Variants in GNAI2 observed in about 807,000 individuals in gnomAD.
GNAI2 encodes guanine nucleotide-binding protein G(i) subunit alpha-2.
A neutral mutation model predicts 36.8 loss-of-function variants in GNAI2; 4 were observed. The ratio of observed to expected loss-of-function variants is 0.11; its 90% CI spans 0.05 to 0.25. The LOEUF is 0.25. Among genes scored for constraint, GNAI2 ranks in the 10% least tolerant of loss-of-function variants. GNAI2 has a pLI of 1.00. For missense variants in GNAI2, 230 were observed against 481.3 expected (o/e 0.48, Z 4.89); for synonymous variants, 194 against 194.1 (o/e 1.00, Z 0.01).
chr3:50,243,372 C>T (rs1700339279), intron 1 of GNAI2, among the ~76,000 whole-genome samples: 2 of 152,240 alleles, frequency 1.3e-5, no homozygotes, highest in South Asian at 4.1e-4. Context: ...CTTAGATTCC[C>T]GAGCGGCCAT....
intron 8 of GNAI2, 137 bp downstream of exon 8, chr3:50,257,851 G>A: frequency 1.7e-6 from 1 of 572,688 alleles, no homozygotes; most frequent in South Asian, 2.3e-5. Context: ...CAAGGGAGGA[G>A]AAGGCCCAGG....
chr3:50,245,602 G>C (rs1700397713), intron 1 of GNAI2, among the ~76,000 whole-genome samples: 1 of 152,264 alleles, frequency 6.6e-6, no homozygotes, highest in South Asian at 2.1e-4. Flanking sequence ...AGCTCCGCGT[G>C]ATCCGCGTCT....
intron 1 of GNAI2, chr3:50,251,727 A>G: frequency 1.5e-6 from 2 of 1,329,554 alleles, no homozygotes; most frequent in Admixed American, 2.1e-5. Context: ...CCATATTGGC[A>G]TGCACCAGCT....
Position 50,256,753 on chromosome 3 carries a change from G to A in GNAI2, c.624G>A (p.Glu208=), listed in dbSNP as rs373500446. 1.2e-6 allele frequency: 2 copies of A among 1,613,922 alleles called. No homozygotes were observed. The highest frequency in any genetic ancestry group is 1.3e-5 in the African/African-American group (1 of 74,926). ...TTGATGTGGGTGGTCAGCGGTCTGA[G>A]CGGAAGAAGTGGATCCACTGCTTTG... The part of the protein sequence containing the change: ...KMFDVGGQRS[E]RKKWIHCFEG... Residue 208 remains glutamate (E), a synonymous_variant, in exon 6 of 9, where the codon GAG becomes GAA. Transcript: ENST00000313601.
At position 50,250,223 on chromosome 3, in the gene GNAI2, G is replaced by A. The variant is rs587649017; in HGVS notation, c.119-1877G>A. ...GAGCAGCATCTGGCACATGGTGGGC[G>A]CTGTTTTCATATAGCTTTGCTGTCG... On this transcript the variant is annotated intron_variant, in intron 1 of 8. Coordinates refer to ENST00000313601, the MANE Select transcript of GNAI2 (RefSeq NM_002070.4). 1.1e-4 allele frequency among the ~76,000 whole-genome samples: 16 copies of A among 152,262 alleles called. No individual in the cohort carries two copies. In the South Asian group the frequency reaches 3.3e-3, roughly 32 times the overall value.
chr3:50,257,114 C>T (rs1264623436), intron 7 of GNAI2, 24 bp downstream of exon 7: 3 of 1,605,110 alleles, frequency 1.9e-6, no homozygotes, highest in Non-Finnish European at 2.6e-6. Context: ...GGGGATAGGG[C>T]CTCCAGAGGG....
Position 50,252,950 on chromosome 3 carries a change from C to T in GNAI2, c.304-74C>T. 1 of 1,267,788 alleles carries T rather than the reference C, an allele frequency of 7.9e-7. No homozygotes were observed. The highest frequency in any genetic ancestry group is 1.1e-6 in the Non-Finnish European group (1 of 904,988). The allele number at this position is 1,267,788 out of a possible 1,614,324, so 78.5% of individuals were successfully genotyped here. A position where few individuals can be genotyped will look rare whatever the true frequency, so the allele number is the denominator to read the frequency against. On this transcript the variant is annotated intron_variant, in intron 3 of 8. Coordinates refer to ENST00000313601, the MANE Select transcript of GNAI2 (RefSeq NM_002070.4). This position sits in a 1 kb window ranked among gnomAD's most constrained non-coding sequence, Gnocchi z 4.1. ...AGAATACCCTAGCCTGGGCCCCATTCCAGAGGTCTCCCTGCCTCTGGCAGA... is the reference window on the plus strand; with the variant it reads ...AGAATACCCTAGCCTGGGCCCCATTTCAGAGGTCTCCCTGCCTCTGGCAGA...
Position 50,255,360 on chromosome 3 carries a change from A to C in GNAI2, c.465-832A>C, listed in dbSNP as rs1700665599. Among the ~76,000 whole-genome samples the C allele has an allele frequency of 6.6e-6, 1 of 152,192 alleles. No homozygotes were observed. Among genetic ancestry groups the C allele is most frequent in the Admixed American group, 6.5e-5 (1 of 15,282 alleles). On this transcript the variant is annotated intron_variant, in intron 4 of 8. Coordinates refer to ENST00000313601, the MANE Select transcript of GNAI2 (RefSeq NM_002070.4). The surrounding 1 kb of genome is among the most constrained non-coding windows in gnomAD (Gnocchi z 4.0). ...GGAGCCCCTGGGACCCCTGCCAAGC[A>C]GGTGTCTGTGCCCTCCCCCTGAGGA...
chr3:50,230,852 C>T (rs1700056438), exon 1 of GNAI2: 1 of 985,408 alleles, frequency 1.0e-6, no homozygotes, highest in African/African-American at 1.7e-5. Context: ...AGGCAGCTGC[C>T]CTCTGCCCCC....
At chr3:50,231,052 C>T (rs1347001706) in intron 1 of GNAI2, 1 of 593,332 alleles carries the variant, frequency 1.7e-6, no homozygotes, top group Non-Finnish European at 2.1e-6. Flanking sequence ...TCCCCAGACC[C>T]CTGCCTCTCA....
chr3:50,252,475 C>T lies in GNAI2; in HGVS notation c.240C>T (p.Ser80=). Residue 80 remains serine, a synonymous_variant, in exon 3 of 9, where the codon TCC becomes TCT. Coordinates refer to ENST00000313601, the MANE Select transcript of GNAI2 (RefSeq NM_002070.4). This position sits in a 1 kb window ranked among gnomAD's most constrained non-coding sequence, Gnocchi z 4.1. Reference sequence around the variant, plus strand: ...TTGTCTACAGCAACACCATCCAGTCCATCATGGCCATTGTCAAAGCCATGG... The same window carrying T: ...TTGTCTACAGCAACACCATCCAGTCTATCATGGCCATTGTCAAAGCCATGG... ...RAVVYSNTIQ[S]IMAIVKAMGN... is the part of the protein sequence containing the mutation. 6.2e-7 allele frequency: 1 copy of T among 1,613,540 alleles called. No homozygotes were observed. The highest frequency in any genetic ancestry group is 8.5e-7 in the Non-Finnish European group (1 of 1,179,668).
chr3:50,247,247 G>GA (rs1369732783), intron 1 of GNAI2, among the ~76,000 whole-genome samples: 59 of 152,360 alleles, frequency 3.9e-4, no homozygotes, highest in Admixed American at 1.4e-3. Context: ...GAAAGGGCAG[G>GA]AAAGGAGCTG....
intron 1 of GNAI2, among the ~76,000 whole-genome samples, chr3:50,240,698 C>T (rs1700279109): frequency 6.6e-6 from 1 of 152,096 alleles, no homozygotes; most frequent in African/African-American, 2.4e-5. Context: ...AGGCAGATCA[C>T]CTGAGGTCAG....
intron 7 of GNAI2, 55 bp from the exon 8 acceptor site, chr3:50,257,445 G>C: frequency 1.6e-6 from 2 of 1,247,916 alleles, no homozygotes; most frequent in Non-Finnish European, 2.3e-6. Flanking sequence ...TGCACACGTA[G>C]GATGCGGCCT....
chr3:50,250,765 C>T (rs908877264), intron 1 of GNAI2, among the ~76,000 whole-genome samples: 3 of 151,856 alleles, frequency 2.0e-5, no homozygotes, highest in Non-Finnish European at 2.9e-5. Flanking sequence ...GGGCTGCACT[C>T]CTCAAGATCT....
At chr3:50,234,233 T>C (rs149118451), upstream of GNAI2, among the ~76,000 whole-genome samples, 26 of 150,810 alleles carry the variant, frequency 1.7e-4, no homozygotes, top group African/African-American at 6.1e-4. Flanking sequence ...CGCCGGCTAA[T>C]TTTTTGTATT....
intron 1 of GNAI2, chr3:50,239,856 G>A (rs587614977): frequency 1.3e-5 from 2 of 152,412 alleles, no homozygotes; most frequent in South Asian, 2.1e-4. Context: ...AGCCACAGTC[G>A]AGCTTGAGCT....
At chr3:50,237,917 G>A (rs1700216614) in intron 1 of GNAI2, among the ~76,000 whole-genome samples, 1 of 152,248 alleles carries the variant, frequency 6.6e-6, no homozygotes, top group African/African-American at 2.4e-5. Context: ...TGTGGCCGAG[G>A]AACAGCATGT....
intron 7 of GNAI2, 94 bp downstream of exon 7, chr3:50,257,184 A>T: frequency 9.4e-7 from 1 of 1,068,804 alleles, no homozygotes; most frequent in South Asian, 1.4e-5. Flanking sequence ...CCCCCACTGG[A>T]CAGAAGTGTA....
Sources: allele counts gnomAD v4.1 joint callset (sites outside exome capture counted in the v4.1 genomes callset), GRCh38; gene constraint gnomAD v4.1.1; non-coding constraint Gnocchi (gnomAD v3.1); transcripts MANE v1.5; gene names NCBI Gene and HGNC (gene_info 2026-07-23, HGNC 2026-07-21).